The following SLC19A1 variants were observed in gnomAD, a reference collection of about 807,000 sequenced individuals.
SLC19A1 encodes reduced folate transporter.
A neutral mutation model predicts 35.3 loss-of-function variants in SLC19A1; 37 were observed. That is an observed-to-expected ratio of 1.05 (90% CI 0.81 to 1.38). SLC19A1 has a LOEUF of 1.38. Ranked by LOEUF, SLC19A1 falls within the 40% of genes most tolerant of loss-of-function variation. The pLI is 0.00. For synonymous variants in SLC19A1, 460 were observed against 398.5 expected, an observed-to-expected ratio of 1.15 and a Z score of -1.84; for missense variants, 831 against 826.9, an observed-to-expected ratio of 1.00 and a Z score of -0.06.
chr21:45,515,077 C>G lies in SLC19A1; in HGVS notation c.*581G>C. 2 of 1,546,492 alleles carry G rather than the reference C, an allele frequency of 1.3e-6. No individual in the cohort carries two copies. Among genetic ancestry groups the G allele is most frequent in the Non-Finnish European group, 1.7e-6 (2 of 1,145,746 alleles). On this transcript the variant is annotated 3_prime_UTR_variant, in exon 6 of 6. Transcript: ENST00000311124. ...CGAGGACCAGAGCCGCTGCTCCCCTCTGATGACAATGTGTCTGCCGCCAAC... is the reference window on the plus strand; with the variant it reads ...CGAGGACCAGAGCCGCTGCTCCCCTGTGATGACAATGTGTCTGCCGCCAAC...
In SLC19A1 at chr21:45,539,779, G is replaced by C. The variant is rs2078245882; in HGVS notation, c.-49-1771C>G. ...CTCATGTCTGTGACAAAGGAACATA[G>C]GTGATGGCAGGGAAGCCCTTAAGAG... is the stretch of plus-strand genomic sequence containing the variant. On this transcript the variant is annotated intron_variant, in intron 1 of 5. Transcript: ENST00000311124. Among the ~76,000 whole-genome samples, 3 of 152,180 alleles carry C rather than the reference G, an allele frequency of 2.0e-5. No homozygotes were observed. The South Asian group carries it at 6.2e-4, about 31-fold the overall frequency.
At chr21:45,536,967 G>A (rs769981500) in intron 2 of SLC19A1, among the ~76,000 whole-genome samples, 20 of 152,232 alleles carry the variant, frequency 1.3e-4, no homozygotes, top group Admixed American at 9.8e-4. Context: ...CACCGCTCAT[G>A]TGACCTGAGA....
chr21:45,514,704 C>A lies in SLC19A1; in HGVS notation c.*954G>T. On this transcript the variant is annotated 3_prime_UTR_variant, in exon 6 of 6. Coordinates refer to ENST00000311124, the MANE Select transcript of SLC19A1 (RefSeq NM_194255.4). ...GGCCAGGCCGGCCCTGAATCAGAAGCCCTGCGCACACTCACTTAAGTGTGT... is the reference window on the plus strand; with the variant it reads ...GGCCAGGCCGGCCCTGAATCAGAAGACCTGCGCACACTCACTTAAGTGTGT... 8.7e-6 allele frequency: 3 copies of A among 343,738 alleles called. No homozygotes were observed. Among genetic ancestry groups the A allele is most frequent in the East Asian group, 4.9e-5 (1 of 20,482 alleles). 21.3% of individuals were successfully genotyped at this position (343,738 alleles called of 1,614,324 possible). A position where few individuals can be genotyped will look rare whatever the true frequency, so the allele number is the denominator to read the frequency against.
upstream of SLC19A1, chr21:45,543,879 A>G (rs1290890545): frequency 3.3e-5 from 5 of 152,434 alleles, no homozygotes; most frequent in Non-Finnish European, 7.3e-5. Flanking sequence ...AGGAGGGGCA[A>G]CGCGGAGGAG....
Position 45,505,319 on chromosome 21 carries a change from G to T in SLC19A1, c.498-6707C>A, listed in dbSNP as rs377459155. The T allele has an allele frequency of 3.8e-6, 6 of 1,593,392 alleles. No individual in the cohort carries two copies. The South Asian group carries it at 5.5e-5, about 15-fold the overall frequency. ...GTGGGCCCCGGGCAGAGGCCGCCTC[G>T]TGTGGCTTCGTGTTCCCACCTTGGT... is the stretch of plus-strand genomic sequence containing the variant. On this transcript the variant is annotated intron_variant, in intron 3 of 4. Coordinates refer to the SLC19A1 transcript ENST00000417954.
downstream of SLC19A1, chr21:45,511,079 CCACACACACAT>C (rs2037580818): frequency 6.8e-6 from 7 of 1,034,790 alleles, no homozygotes; most frequent in Non-Finnish European, 1.0e-5. Flanking sequence ...CCCCCACACA[CCACACACACAT>C]ACACACGGTT....
downstream of SLC19A1, among the ~76,000 whole-genome samples, chr21:45,511,892 C>A (rs1267619301): frequency 1.3e-5 from 2 of 152,220 alleles, no homozygotes; most frequent in Non-Finnish European, 2.9e-5. Context: ...CCACAGGAAG[C>A]CTCTGCTCAG....
chr21:45,521,958 A>C (rs1479378125), intron 5 of SLC19A1, among the ~76,000 whole-genome samples: 2 of 152,234 alleles, frequency 1.3e-5, no homozygotes, highest in Non-Finnish European at 2.9e-5. Flanking sequence ...GTTTCCATAA[A>C]AGGAAAAACT....
Position 45,531,775 on chromosome 21 carries a change from A to T in SLC19A1, c.563T>A (p.Ile188Asn). Residue 188 changes from isoleucine (I) to asparagine (N), a missense_variant, in exon 3 of 6, where the codon ATC (isoleucine) becomes AAC (asparagine). Ile to Asn is a moderately radical substitution (Grantham distance 149, BLOSUM62 -3). Transcript: ENST00000311124. ...GRVSFSTLNY[I>N]SLAFLTFSVV... ...GCTGAAGGTGAGGAAGGCCAGCGAG[A>T]TGTAGTTGAGCGTGGAGAAGGAGAC... 2 of 1,607,198 alleles carry T rather than the reference A, an allele frequency of 1.2e-6. No homozygotes were observed. Among genetic ancestry groups the T allele is most frequent in the South Asian group, 2.2e-5 (2 of 90,264 alleles).
downstream of SLC19A1, chr21:45,510,164 C>T (rs375590764): frequency 2.6e-5 from 41 of 1,595,980 alleles, no homozygotes; most frequent in African/African-American, 1.3e-4. Flanking sequence ...GTGGGGCTGG[C>T]GGGCACCTTC....
intron 5 of SLC19A1, among the ~76,000 whole-genome samples, chr21:45,518,220 A>T (rs1007987785): frequency 2.6e-5 from 4 of 152,226 alleles, no homozygotes; most frequent in East Asian, 3.8e-4. Flanking sequence ...ATCAGAATTT[A>T]AAAACTTAAT....
At chr21:45,527,181 G>A (rs938006734) in intron 4 of SLC19A1, among the ~76,000 whole-genome samples, 2 of 150,250 alleles carry the variant, frequency 1.3e-5, no homozygotes, top group African/African-American at 5.0e-5. Context: ...GCGGGCCCTG[G>A]AGGTGAGTAG....
At position 45,514,607 on chromosome 21, in the gene SLC19A1, G is replaced by A. The variant is rs188450900; in HGVS notation, c.*1051C>T. 510 of 188,478 alleles carry A rather than the reference G, an allele frequency of 2.7e-3. 1 individual carries two copies. Among genetic ancestry groups the A allele is most frequent in the Non-Finnish European group, 1.7e-3 (156 of 92,260 alleles). 11.7% of individuals were successfully genotyped at this position (188,478 alleles called of 1,614,324 possible). ...CAGCTCATGGGCACCAAGGCCCTGC[G>A]TGGGCTGGAGGCGGGAGAAGGCTGG... On this transcript the variant is annotated 3_prime_UTR_variant, in exon 6 of 6. Transcript: ENST00000311124.
At position 45,532,132 on chromosome 21, in the gene SLC19A1, G is replaced by C. The variant is rs770520822; in HGVS notation, c.206C>G (p.Thr69Arg). 2 of 1,601,734 alleles carry C rather than the reference G, an allele frequency of 1.2e-6. No individual in the cohort carries two copies. The highest frequency in any genetic ancestry group is 2.7e-5 in the African/African-American group (2 of 74,744). Residue 69 changes from threonine to arginine, a missense_variant, in exon 3 of 6, where the codon ACG becomes AGG. Coordinates refer to ENST00000311124, the MANE Select transcript of SLC19A1 (RefSeq NM_194255.4). ...CAGGTAGGAGTACGACAGCACCGGC[G>C]TGATCTCGTTCGTGACCTGCGGACA... ...FTREQVTNEI[T>R]PVLSYSYLAV...
chr21:45,535,993 GGTGGCTGCCCCTGCACCCCGGCGCCCAC>G (rs1177129592), intron 2 of SLC19A1: 2 of 189,316 alleles, frequency 1.1e-5, no homozygotes, highest in African/African-American at 2.4e-5. Flanking sequence ...CCCACCTACT[GGTGGCTGCCCCTGCACCCCGGCGCCCAC>G]GTGCCTGCTC....
chr21:45,532,778 T>A (rs1192770917), intron 2 of SLC19A1, among the ~76,000 whole-genome samples: 1 of 152,214 alleles, frequency 6.6e-6, no homozygotes, highest in Non-Finnish European at 1.5e-5. Context: ...TTTTATTTCA[T>A]TTTAAACAAT....
At chr21:45,532,188 A>G in intron 2 of SLC19A1, 40 bp from the exon 3 acceptor site, 1 of 1,506,470 alleles carries the variant, frequency 6.6e-7, no homozygotes, top group Non-Finnish European at 9.0e-7. Flanking sequence ...GGTGTTAGCA[A>G]TGCTGCCGCT....
At chr21:45,505,039 C>A (rs778489543) in intron 3 of SLC19A1, 48 of 1,514,248 alleles carry the variant, frequency 3.2e-5, no homozygotes, top group Non-Finnish European at 4.0e-5. Context: ...GCTGCGCTCG[C>A]CAAGGGGGTC....
In SLC19A1 at chr21:45,525,669, G is replaced by T. The variant is rs1052304132; in HGVS notation, c.1293+148C>A. The stretch of plus-strand genomic sequence containing the variant: ...TCTCTCTCACTTCCTGCTCTCGCTG[G>T]CCTGGTGTGTCCCACTGGAAGCCCC... On this transcript the variant is annotated intron_variant, in intron 5 of 5. Coordinates refer to ENST00000311124, the MANE Select transcript of SLC19A1 (RefSeq NM_194255.4). 8 of 811,324 alleles carry T rather than the reference G, an allele frequency of 9.9e-6. No individual in the cohort carries two copies. The African/African-American group carries it at 1.2e-4, about 12-fold the overall frequency. The allele number at this position is 811,324 out of a possible 1,614,324, so 50.3% of individuals were successfully genotyped here. A position where few individuals can be genotyped will look rare whatever the true frequency, so the allele number is the denominator to read the frequency against.
Sources: gnomAD v4.1 joint callset for allele counts (sites outside exome capture counted in the v4.1 genomes callset) on GRCh38, gnomAD v4.1.1 for gene constraint, MANE v1.5 for transcripts, NCBI Gene and HGNC (gene_info 2026-07-23, HGNC 2026-07-21) for gene names.